Variants in RAB44 observed in about 807,000 individuals in gnomAD.
RAB44 encodes RAB44, member RAS oncogene family.
Under a neutral mutation model 93.3 loss-of-function variants are expected in RAB44, and 67 were observed. The ratio of observed to expected loss-of-function variants is 0.72; its 90% confidence interval spans 0.59 to 0.88. RAB44 has a LOEUF of 0.88. Ranked by LOEUF, RAB44 falls within the 40% of genes least tolerant of loss-of-function variation. The pLI, the probability that RAB44 is intolerant of heterozygous loss-of-function variation, is 0.00. For synonymous variants in RAB44, 427 were observed against 520.3 expected (o/e 0.82, Z 2.44); for missense variants, 1,064 against 1,261.7 (o/e 0.84, Z 2.37).
At chr6:36,703,734 G>A (rs1762569129) in intron 1 of RAB44, among the ~76,000 whole-genome samples, 1 of 152,092 alleles carries the variant, frequency 6.6e-6, no homozygotes, top group South Asian at 2.1e-4. Context: ...CAGGGGAGGA[G>A]GTGTCGGTGG....
At position 36,730,763 on chromosome 6, in the gene RAB44, GCCC is replaced by G; in HGVS notation, c.2975+18_2975+20del. The G allele has an allele frequency of 9.1e-7, 1 of 1,100,692 alleles. No individual in the cohort carries two copies. Among genetic ancestry groups the G allele is most frequent in the Non-Finnish European group, 1.1e-6 (1 of 907,670 alleles). The allele number at this position is 1,100,692 out of a possible 1,614,324, so 68.2% of individuals were successfully genotyped here. A position where few individuals can be genotyped will look rare whatever the true frequency, so the allele number is the denominator to read the frequency against. Reference sequence around the variant, plus strand: ...AAACCTGGCCAGGTAAGTGCTGCCCGCCCCCCGCCGCCCCCACCCCCCCCCTTG... The same window carrying G: ...AAACCTGGCCAGGTAAGTGCTGCCCGCCCGCCGCCCCCACCCCCCCCCTTG... On this transcript the variant is annotated intron_variant, in intron 13 of 13. Transcript: ENST00000612677.
chr6:36,698,595 T>A (rs563649377), intron 1 of RAB44, among the ~76,000 whole-genome samples: 1 of 152,024 alleles, frequency 6.6e-6, no homozygotes, highest in East Asian at 1.9e-4. Context: ...GGAGAGGTGG[T>A]CATGCTGAGG....
intron 2 of RAB44, among the ~76,000 whole-genome samples, chr6:36,710,623 CTG>C (rs1762761183): frequency 1.9e-5 from 2 of 105,466 alleles, no homozygotes; most frequent in Admixed American, 8.5e-5. Flanking sequence ...TCTTGGCTCA[CTG>C]CAACCTCCGC....
chr6:36,700,432 C>T (rs1271923492), intron 1 of RAB44, among the ~76,000 whole-genome samples: 1 of 152,122 alleles, frequency 6.6e-6, no homozygotes, highest in Non-Finnish European at 1.5e-5. Flanking sequence ...GTGAGTCTTT[C>T]TTTTAATTTT....
chr6:36,698,269 G>A (rs1161506299), intron 1 of RAB44, among the ~76,000 whole-genome samples: 2 of 152,190 alleles, frequency 1.3e-5, no homozygotes, highest in East Asian at 1.9e-4. Context: ...GGGGTTTAGC[G>A]ACTGTGGCTA....
intron 1 of RAB44, among the ~76,000 whole-genome samples, chr6:36,698,635 G>A (rs552361029): frequency 1.0e-3 from 152 of 152,278 alleles, no homozygotes; most frequent in African/African-American, 3.0e-3. Context: ...CCATGAAGGG[G>A]TCCCCCACTC....
At chr6:36,725,207 G>A (rs548811313) in intron 9 of RAB44, among the ~76,000 whole-genome samples, 3 of 151,742 alleles carry the variant, frequency 2.0e-5, no homozygotes, top group East Asian at 1.9e-4. Context: ...TTTCACTCTC[G>A]TTGCCCAGGC....
At chr6:36,727,513 T>C (rs1399076843) in intron 10 of RAB44, 64 bp from the exon 11 acceptor site, 13 of 1,134,202 alleles carry the variant, frequency 1.1e-5, no homozygotes, top group Non-Finnish European at 1.7e-5. Context: ...CTTCTCCCAC[T>C]TTGCAGAGGC....
At chr6:36,713,790 CG>C (rs1323915723) in intron 2 of RAB44, 37 bp from the exon 3 acceptor site, 13 of 1,321,690 alleles carry the variant, frequency 9.8e-6, no homozygotes, top group Non-Finnish European at 1.3e-5. Context: ...GAGCCTTCCC[CG>C]GTGGGAACAC....
chr6:36,706,875 C>T (rs1435066360), intron 2 of RAB44, among the ~76,000 whole-genome samples: 4 of 151,996 alleles, frequency 2.6e-5, no homozygotes, highest in Non-Finnish European at 4.4e-5. Flanking sequence ...TACAGGCCTG[C>T]GCCACCATGC....
At chr6:36,714,076 T>C (rs368266364) in intron 3 of RAB44, 137 bp downstream of exon 3, 6 of 634,906 alleles carry the variant, frequency 9.5e-6, no homozygotes, top group African/African-American at 3.6e-5. Context: ...GCCACAGTGG[T>C]CCGGGGCCCT....
intron 12 of RAB44, among the ~76,000 whole-genome samples, chr6:36,729,482 CTTTCTTT>C (rs1417169547): frequency 1.4e-5 from 2 of 147,426 alleles, no homozygotes; most frequent in Non-Finnish European, 3.0e-5. Flanking sequence ...TTCTTTCTTT[CTTTCTTT>C]TTTTTTTTTT....
chr6:36,718,529 C>G lies in RAB44; in HGVS notation c.769C>G (p.Gln257Glu). 4 of 1,233,986 alleles carry G rather than the reference C, an allele frequency of 3.2e-6. No homozygotes were observed. The African/African-American group carries it at 4.6e-5, about 14-fold the overall frequency. The allele number at this position is 1,233,986 out of a possible 1,614,324, so 76.4% of individuals were successfully genotyped here. The change falls in exon 7 of 14, where the codon CAG becomes GAG. Residue 257 changes from glutamine (Q) to glutamate (E), a missense_variant. Gln to Glu is a conservative substitution (Grantham distance 29, BLOSUM62 2). Coordinates refer to ENST00000612677, the MANE Select transcript of RAB44 (RefSeq NM_001257357.2). ...GGGCCTGGCCCTCACCTCCCAGATG[C>G]AGGACGTCCTAGAGGCCAAGGAGCG... is the stretch of plus-strand genomic sequence containing the variant. ...SRGLALTSQM[Q>E]DVLEAKEREV...
intron 2 of RAB44, among the ~76,000 whole-genome samples, chr6:36,709,546 G>C (rs1289179943): frequency 6.7e-6 from 1 of 149,770 alleles, no homozygotes; most frequent in East Asian, 2.0e-4. Flanking sequence ...GTAGTTAATT[G>C]AACTGTTGTT....
chr6:36,715,787 C>A, intron 4 of RAB44, 134 bp downstream of exon 4: 1 of 846,070 alleles, frequency 1.2e-6, no homozygotes, highest in Non-Finnish European at 1.8e-6. Flanking sequence ...TGGCCATTGG[C>A]TAGCTGTGTG....
chr6:36,714,313 C>CA (rs1411856856), intron 3 of RAB44, among the ~76,000 whole-genome samples: 3 of 152,190 alleles, frequency 2.0e-5, no homozygotes, highest in African/African-American at 4.8e-5. Context: ...GCTGAGCCCC[C>CA]ACTGGGCAGG....
chr6:36,721,041 A>G, intron 8 of RAB44, 110 bp from the exon 9 acceptor site: 1 of 1,025,926 alleles, frequency 9.7e-7, no homozygotes, highest in Non-Finnish European at 1.3e-6. Context: ...AAGGACTGGG[A>G]GGAGACCTGG....
In RAB44 at chr6:36,730,657, CCTGTCTGGCCTGCAGGAA is replaced by C. The variant is rs922948090; in HGVS notation, c.2899-12_2904del. The C allele has an allele frequency of 3.2e-6, 4 of 1,232,926 alleles. No individual in the cohort carries two copies. The highest frequency in any genetic ancestry group is 4.1e-6 in the Non-Finnish European group (4 of 987,008). The allele number at this position is 1,232,926 out of a possible 1,614,324, so 76.4% of individuals were successfully genotyped here. A position where few individuals can be genotyped will look rare whatever the true frequency, so the allele number is the denominator to read the frequency against. On this transcript the variant is annotated splice_acceptor_variant and splice_polypyrimidine_tract_variant and coding_sequence_variant and intron_variant, in exon 13 of 14. Transcript: ENST00000612677. LOFTEE classifies it high-confidence loss of function. ...CTCTCCCAAGGCACATATGTCCCTC[CCTGTCTGGCCTGCAGGAA>C]CTGGGGGTCTATTTTGGGGAGTGCA...
At chr6:36,729,243 A>G (rs1053507785) in intron 12 of RAB44, among the ~76,000 whole-genome samples, 16 of 152,216 alleles carry the variant, frequency 1.1e-4, no homozygotes, top group Non-Finnish European at 2.1e-4. Context: ...GGATGATTAC[A>G]TCAAAAGCCC....
Sources: gnomAD v4.1 joint callset for allele counts (sites outside exome capture counted in the v4.1 genomes callset) on GRCh38, gnomAD v4.1.1 for gene constraint, MANE v1.5 for transcripts, NCBI Gene and HGNC (gene_info 2026-07-23, HGNC 2026-07-21) for gene names.